NRXN3: variants seen among roughly 807,000 people sequenced by gnomAD.
The protein encoded by NRXN3 is neurexin III.
In NRXN3, 32 loss-of-function variants were observed where a neutral mutation model predicts 137.6. The ratio of observed to expected loss-of-function variants is 0.23; its 90% confidence interval spans 0.18 to 0.31. The LOEUF (loss-of-function observed/expected upper bound fraction) is 0.31. Ranked by LOEUF, NRXN3 falls within the 10% of genes least tolerant of loss-of-function variation. NRXN3 has a pLI of 1.00. For missense variants in NRXN3, 1,574 were observed against 2,062.5 expected, an observed-to-expected ratio of 0.76 and a Z score of 4.59; for synonymous variants, 798 against 784.5, an observed-to-expected ratio of 1.02 and a Z score of -0.29.
intron 4 of NRXN3, among the ~76,000 whole-genome samples, chr14:78,432,324 C>G (rs901171750): frequency 6.7e-6 from 1 of 149,742 alleles, no homozygotes; most frequent in Non-Finnish European, 1.5e-5. Context: ...TGACATGTCT[C>G]AGCTCCTTTC....
In NRXN3 at chr14:79,278,294, C is replaced by T. The variant is rs143558084; in HGVS notation, c.3263-188927C>T. Among the ~76,000 whole-genome samples the T allele has an allele frequency of 9.2e-3, 1,398 of 152,288 alleles. 8 individuals are homozygous for T. The highest frequency in any genetic ancestry group is 0.014 in the Non-Finnish European group (965 of 68,032). On this transcript the variant is annotated intron_variant, in intron 15 of 20. Transcript: ENST00000335750. Reference sequence around the variant, plus strand: ...AAGACCTGTGTGGACAACAACCTGGCCTGAGAGGGCAGCCTGTTGGGTTTG... The same window carrying T: ...AAGACCTGTGTGGACAACAACCTGGTCTGAGAGGGCAGCCTGTTGGGTTTG...
intron 15 of NRXN3, among the ~76,000 whole-genome samples, chr14:79,034,597 T>A (rs1015491654): frequency 6.6e-6 from 1 of 152,086 alleles, no homozygotes; most frequent in Non-Finnish European, 1.5e-5. Flanking sequence ...AAATCTAAAG[T>A]ACTAGGAAAA....
chr14:79,325,157 G>GA (rs2090666889), intron 15 of NRXN3, among the ~76,000 whole-genome samples: 1 of 152,080 alleles, frequency 6.6e-6, no homozygotes, highest in South Asian at 2.1e-4. Flanking sequence ...ATAAACATTA[G>GA]AAATAGCTAT....
intron 4 of NRXN3, among the ~76,000 whole-genome samples, chr14:78,642,850 T>G (rs1339903204): frequency 6.6e-6 from 1 of 152,226 alleles, no homozygotes; most frequent in Non-Finnish European, 1.5e-5. Flanking sequence ...TTCTGCTTTA[T>G]TATTTTTGGG....
chr14:78,535,625 G>A (rs1325272708), intron 4 of NRXN3, among the ~76,000 whole-genome samples: 2 of 152,162 alleles, frequency 1.3e-5, no homozygotes, highest in African/African-American at 2.4e-5. Flanking sequence ...AAGAGGAGGA[G>A]GAAAAGACTA....
chr14:78,735,477 A>G (rs1402427772), intron 8 of NRXN3, among the ~76,000 whole-genome samples: 1 of 152,142 alleles, frequency 6.6e-6, no homozygotes, highest in African/African-American at 2.4e-5. Context: ...GTAAGCAGGT[A>G]CATGTTCCCC....
intron 15 of NRXN3, among the ~76,000 whole-genome samples, chr14:78,989,642 C>T (rs1002951788): frequency 1.3e-5 from 2 of 152,114 alleles, no homozygotes; most frequent in African/African-American, 4.8e-5. Context: ...TAGTTATAAA[C>T]CCAGCCAGCC....
chr14:79,605,010 C>T (rs8010135), intron 16 of NRXN3, among the ~76,000 whole-genome samples: 14,921 of 151,962 alleles, frequency 0.098, 1,607 homozygotes, highest in African/African-American at 0.27. Context: ...CTAGCCTGGG[C>T]GACAGAGTGA....
At chr14:79,233,475 A>G (rs2153281462) in intron 15 of NRXN3, among the ~76,000 whole-genome samples, 1 of 152,220 alleles carries the variant, frequency 6.6e-6, no homozygotes, top group African/African-American at 2.4e-5. Context: ...AGGTCTTTAT[A>G]TCATGCGGGC....
chr14:78,198,807 G>T (rs2061437925), intron 1 of NRXN3, among the ~76,000 whole-genome samples: 1 of 152,346 alleles, frequency 6.6e-6, no homozygotes, highest in South Asian at 2.1e-4. Context: ...GTAAGATTTT[G>T]AGTTGTGTTT....
chr14:78,209,112 A>T (rs2153408893), intron 1 of NRXN3, among the ~76,000 whole-genome samples: 1 of 152,278 alleles, frequency 6.6e-6, no homozygotes, highest in African/African-American at 2.4e-5. Flanking sequence ...ATAAGTCTGC[A>T]CCTGGGAGGT....
At chr14:78,963,503 A>G (rs1391064465) in intron 11 of NRXN3, among the ~76,000 whole-genome samples, 1 of 152,164 alleles carries the variant, frequency 6.6e-6, no homozygotes. Flanking sequence ...AGCTATAGCC[A>G]ATTTGACAGT....
intron 15 of NRXN3, among the ~76,000 whole-genome samples, chr14:79,012,454 C>T (rs1484142165): frequency 1.3e-5 from 2 of 152,038 alleles, no homozygotes; most frequent in African/African-American, 4.8e-5. Flanking sequence ...TGCAGAAGTC[C>T]AGTAATCTAG....
chr14:78,946,037 A>G lies in NRXN3; in HGVS notation c.2276-11205A>G, dbSNP rs140654753. 3.3e-3 allele frequency among the ~76,000 whole-genome samples: 498 copies of G among 152,352 alleles called. 3 individuals carry two copies. Among genetic ancestry groups the G allele is most frequent in the Non-Finnish European group, 5.3e-3 (360 of 68,030 alleles). ...CAGAAAGGGTGGACCTATTCGGAAG[A>G]GGCTGGTAGGAAAAGACAGCAAATA... On this transcript the variant is annotated intron_variant, in intron 10 of 20. Coordinates refer to ENST00000335750, the MANE Select transcript of NRXN3 (RefSeq NM_001330195.2).
At chr14:78,451,689 T>A (rs1030226260) in intron 4 of NRXN3, among the ~76,000 whole-genome samples, 1 of 152,220 alleles carries the variant, frequency 6.6e-6, no homozygotes, top group African/African-American at 2.4e-5. Context: ...CTGCTCCTGG[T>A]GGGCATTTGT....
At chr14:79,203,418 T>C (rs754803489) in intron 15 of NRXN3, among the ~76,000 whole-genome samples, 35 of 152,208 alleles carry the variant, frequency 2.3e-4, no homozygotes, top group Admixed American at 3.9e-4. Flanking sequence ...GTGTCTTCAT[T>C]AGAGCAGTAG....
intron 15 of NRXN3, among the ~76,000 whole-genome samples, chr14:79,438,332 G>A (rs1351604713): frequency 3.3e-5 from 5 of 152,156 alleles, no homozygotes; most frequent in South Asian, 4.1e-4. Context: ...ATAAAAGTTC[G>A]GTTTGGATTT....
intron 4 of NRXN3, among the ~76,000 whole-genome samples, chr14:78,402,418 A>C (rs890064018): frequency 1.3e-5 from 2 of 152,182 alleles, no homozygotes; most frequent in Non-Finnish European, 2.9e-5. Flanking sequence ...ATTTATATGA[A>C]TTATAAGTGA....
intron 16 of NRXN3, among the ~76,000 whole-genome samples, chr14:79,662,134 G>A (rs1007911333): frequency 6.6e-6 from 1 of 152,158 alleles, no homozygotes; most frequent in African/African-American, 2.4e-5. Context: ...GCTGAACTGT[G>A]AGTCAATTAA....
Sources: allele counts gnomAD v4.1 joint callset (sites outside exome capture counted in the v4.1 genomes callset), GRCh38; gene constraint gnomAD v4.1.1; transcripts MANE v1.5; gene names NCBI Gene and HGNC (gene_info 2026-07-23, HGNC 2026-07-21).